Variants in HERC5 observed in about 807,000 individuals in gnomAD.
The protein encoded by HERC5 is HECT and RLD domain containing E3 ubiquitin protein ligase 5.
A neutral mutation model predicts 119.6 loss-of-function variants in HERC5; 99 were observed. That is an observed-to-expected ratio of 0.83 (90% confidence interval 0.70 to 0.98). The LOEUF is 0.98. Among genes scored for constraint, HERC5 ranks in the 50% least tolerant of loss-of-function variants. The pLI is 0.00. For synonymous variants in HERC5, 478 were observed against 445.9 expected, an observed-to-expected ratio of 1.07 and a Z score of -0.91; for missense variants, 1,267 against 1,241.3, an observed-to-expected ratio of 1.02 and a Z score of -0.31.
chr4:88,463,791 A>G, intron 5 of HERC5, 64 bp from the exon 6 acceptor site: 1 of 1,537,470 alleles, frequency 6.5e-7, no homozygotes, highest in Non-Finnish European at 9.0e-7. Context: ...TTCACTTTGC[A>G]TCAGTGAATA....
At chr4:88,469,557 G>GCC (rs1224939126) in intron 9 of HERC5, among the ~76,000 whole-genome samples, 1 of 152,154 alleles carries the variant, frequency 6.6e-6, no homozygotes, top group East Asian at 1.9e-4. Flanking sequence ...GGGAGGAGTT[G>GCC]ATGTTGCAGC....
chr4:88,475,387 C>CG (rs1263223871), intron 11 of HERC5, among the ~76,000 whole-genome samples: 3 of 143,328 alleles, frequency 2.1e-5, no homozygotes, highest in Admixed American at 1.4e-4. Context: ...GACACAATCT[C>CG]GGCTCACTGC....
At chr4:88,501,816 T>C (rs1167494562) in intron 20 of HERC5, among the ~76,000 whole-genome samples, 4 of 152,226 alleles carry the variant, frequency 2.6e-5, no homozygotes, top group African/African-American at 9.6e-5. Context: ...TTTTTTCTTT[T>C]GAGATGGCAC....
At chr4:88,479,220 G>A in intron 12 of HERC5, 133 bp from the exon 13 acceptor site, 1 of 527,488 alleles carries the variant, frequency 1.9e-6, no homozygotes, top group African/African-American at 2.0e-5. Flanking sequence ...GGGAGGCAGA[G>A]GATGTAGTGA....
chr4:88,463,868 T>G lies in HERC5; in HGVS notation c.794T>G (p.Phe265Cys). 1 of 1,614,072 alleles carries G rather than the reference T, an allele frequency of 6.2e-7. No homozygotes were observed. Among genetic ancestry groups the G allele is most frequent in the Non-Finnish European group, 8.5e-7 (1 of 1,180,010 alleles). Residue 265 changes from phenylalanine (F) to cysteine (C), a missense_variant, in exon 6 of 23, where the codon TTT (phenylalanine) becomes TGT (cysteine). Transcript: ENST00000264350. ...CCCTTTCCTTAGGATGGGCTGCTGT[T>G]TACTTTCGGTGCTGGAAAACATGGG... The part of the protein sequence containing the change: ...SALLTQDGLL[F>C]TFGAGKHGQL...
rs1480735839 is a variant in HERC5, at chr4:88,494,217, C to A, written c.2330C>A (p.Ser777Tyr). The A allele has an allele frequency of 6.2e-7, 1 of 1,612,782 alleles. No homozygotes were observed. The highest frequency in any genetic ancestry group is 8.5e-7 in the Non-Finnish European group (1 of 1,179,524). Residue 777 changes from serine (S) to tyrosine (Y), a missense_variant, in exon 18 of 23, where the codon TCC becomes TAC. Physicochemically the swap from Ser to Tyr is moderately radical, Grantham distance 144. Coordinates refer to ENST00000264350, the MANE Select transcript of HERC5 (RefSeq NM_016323.4). The stretch of plus-strand genomic sequence containing the variant: ...TTTTTTGGGGTTCTATGTGGACTTT[C>A]CCTGTTCAATTGCAATGTTGCCAAC... ...YFFFGVLCGLSLFNCNVANLP... is the reference protein window; with the variant it reads ...YFFFGVLCGLYLFNCNVANLP...
intron 12 of HERC5, among the ~76,000 whole-genome samples, chr4:88,476,901 C>CA (rs1560605151): frequency 6.6e-6 from 1 of 150,996 alleles, no homozygotes; most frequent in African/African-American, 2.4e-5. Context: ...GCCTGGGCGA[C>CA]AGAGTGAGAC....
At chr4:88,504,118 T>C (rs1374975612) in intron 20 of HERC5, 114 bp from the exon 21 acceptor site, 1 of 633,682 alleles carries the variant, frequency 1.6e-6, no homozygotes, top group Admixed American at 2.9e-5. Context: ...TGACAGTCCA[T>C]GGCACATGGT....
At chr4:88,470,023 C>G (rs1482490253) in intron 9 of HERC5, among the ~76,000 whole-genome samples, 3 of 152,212 alleles carry the variant, frequency 2.0e-5, no homozygotes, top group Non-Finnish European at 2.9e-5. Flanking sequence ...CCATTCTTCT[C>G]TAAACCATAG....
rs190929618 is a variant in HERC5 at position 88,478,438 on chromosome 4, G to A, written c.1583-915G>A. On this transcript the variant is annotated intron_variant, in intron 12 of 22. Coordinates refer to ENST00000264350, the MANE Select transcript of HERC5 (RefSeq NM_016323.4). ...TAAAATAGTGGTTACTAGTGGATGG[G>A]GGTGGAAAGGAAATGTGGAGATGTA... 5.3e-3 allele frequency among the ~76,000 whole-genome samples: 800 copies of A among 152,054 alleles called. 3 individuals carry two copies. Among genetic ancestry groups the A allele is most frequent in the Non-Finnish European group, 8.1e-3 (551 of 67,988 alleles).
chr4:88,479,051 A>T (rs1741178081), intron 12 of HERC5, among the ~76,000 whole-genome samples: 1 of 152,148 alleles, frequency 6.6e-6, no homozygotes, highest in African/African-American at 2.4e-5. Context: ...TTTGGGAGGC[A>T]AAGGTGGGCG....
At chr4:88,479,616 T>C in intron 13 of HERC5, 109 bp downstream of exon 13, 1 of 775,346 alleles carries the variant, frequency 1.3e-6, no homozygotes, top group Admixed American at 3.5e-5. Context: ...ACGAAGTTTA[T>C]ATTGCTATTT....
At position 88,479,418 on chromosome 4, in the gene HERC5, G is replaced by C. The variant is rs367799604; in HGVS notation, c.1648G>C (p.Val550Leu). The C allele has an allele frequency of 1.2e-6, 2 of 1,613,122 alleles. No homozygotes were observed. The highest frequency in any genetic ancestry group is 1.7e-6 in the Non-Finnish European group (2 of 1,179,642). ...SKLVQMFKTA[V>L]ICQLDYWDES... ...ACTGGTCCAGATGTTTAAAACAGCCGTCATATGCCAGTTGGATTACTGGGA... is the reference window on the plus strand; with the variant it reads ...ACTGGTCCAGATGTTTAAAACAGCCCTCATATGCCAGTTGGATTACTGGGA... The change falls in exon 13 of 23, where the codon GTC becomes CTC. Residue 550 changes from valine to leucine, a missense_variant. By Grantham distance (32) the Val-to-Leu change is conservative. This residue lies in a region of HERC5 where 777 missense variants were observed against 758.0 expected (regional missense o/e 1.03). Coordinates refer to ENST00000264350, the MANE Select transcript of HERC5 (RefSeq NM_016323.4).
chr4:88,479,298 AAAAAG>A, intron 12 of HERC5, 50 bp from the exon 13 acceptor site: 2 of 1,451,924 alleles, frequency 1.4e-6, no homozygotes, highest in Admixed American at 4.7e-5. Context: ...AAAAAAAAAA[AAAAAG>A]CACAATAAAA....
intron 12 of HERC5, among the ~76,000 whole-genome samples, chr4:88,476,277 A>C (rs555148137): frequency 5.3e-5 from 8 of 152,218 alleles, no homozygotes; most frequent in Non-Finnish European, 1.5e-5. Context: ...ACTTTTCACT[A>C]TGAAAAATTT....
intron 16 of HERC5, among the ~76,000 whole-genome samples, chr4:88,489,561 C>G (rs1349347809): frequency 6.6e-6 from 1 of 152,084 alleles, no homozygotes; most frequent in Non-Finnish European, 1.5e-5. Context: ...GTTGTTCTCC[C>G]CACACCCTGC....
intron 13 of HERC5, among the ~76,000 whole-genome samples, chr4:88,482,741 T>G (rs1741321337): frequency 6.6e-6 from 1 of 152,114 alleles, no homozygotes. Context: ...ACCATGGTCC[T>G]AGGGCTGTAT....
At chr4:88,505,176 C>T (rs1395654362) in intron 22 of HERC5, among the ~76,000 whole-genome samples, 1 of 152,178 alleles carries the variant, frequency 6.6e-6, no homozygotes, top group African/African-American at 2.4e-5. Context: ...TGTCTGAACA[C>T]TCCTGAGCTC....
rs1459381911 is a variant in HERC5 at position 88,472,402 on chromosome 4, T to G, written c.1299-7T>G. On this transcript the variant is annotated splice_polypyrimidine_tract_variant and splice_region_variant and intron_variant, in intron 10 of 22. Transcript: ENST00000264350. The stretch of plus-strand genomic sequence containing the variant: ...AACAAAATACTTAATTTATCTTTCT[T>G]CTACAGAAGAACTACAGAAATGATG... The G allele has an allele frequency of 1.1e-5, 17 of 1,502,372 alleles. No individual in the cohort carries two copies. Among genetic ancestry groups the G allele is most frequent in the Non-Finnish European group, 1.6e-5 (17 of 1,087,408 alleles). 93.1% of individuals were successfully genotyped at this position (1,502,372 alleles called of 1,614,324 possible).
Sources: allele counts gnomAD v4.1 joint callset (sites outside exome capture counted in the v4.1 genomes callset), GRCh38; gene constraint gnomAD v4.1.1; regional missense constraint gnomAD v4.1.1; transcripts MANE v1.5; gene names NCBI Gene and HGNC (gene_info 2026-07-23, HGNC 2026-07-21).